The following CSRNP3 variants were observed in gnomAD, a reference collection of about 807,000 sequenced individuals.
CSRNP3 encodes the protein cysteine and serine rich nuclear protein 3, also known as cysteine/serine-rich nuclear protein 3.
In CSRNP3, 12 loss-of-function variants were observed where a neutral mutation model predicts 48.0. The observed-to-expected ratio is 0.25, with a 90% CI of 0.16 to 0.41. CSRNP3 has a LOEUF of 0.41. Among genes scored for constraint, CSRNP3 ranks in the 10% least tolerant of loss-of-function variants. The pLI, the probability that CSRNP3 is intolerant of heterozygous loss-of-function variation, is 1.00. For synonymous variants in CSRNP3, 263 were observed against 269.7 expected, an observed-to-expected ratio of 0.98 and a Z score of 0.24; for missense variants, 580 against 724.4, an observed-to-expected ratio of 0.80 and a Z score of 2.29.
At chr2:165,599,279 G>A (rs796368824) in intron 4 of CSRNP3, among the ~76,000 whole-genome samples, 2 of 73,126 alleles carry the variant, frequency 2.7e-5, no homozygotes, top group African/African-American at 1.8e-4. Flanking sequence ...AAGAAAGAGA[G>A]AGAGAGAAAG....
chr2:165,529,984 T>A (rs1345963212), intron 3 of CSRNP3, among the ~76,000 whole-genome samples: 1 of 152,208 alleles, frequency 6.6e-6, no homozygotes, highest in Non-Finnish European at 1.5e-5. Flanking sequence ...CTAAGAGAAC[T>A]TTCATGATTG....
At chr2:165,539,663 C>A (rs929859710) in intron 3 of CSRNP3, among the ~76,000 whole-genome samples, 4 of 151,970 alleles carry the variant, frequency 2.6e-5, no homozygotes, top group African/African-American at 4.8e-5. Context: ...TCTCTTTCTG[C>A]GACCTTTTTA....
At chr2:165,643,365 T>C (rs1686757383) in intron 4 of CSRNP3, among the ~76,000 whole-genome samples, 1 of 152,178 alleles carries the variant, frequency 6.6e-6, no homozygotes, top group Non-Finnish European at 1.5e-5. Context: ...CAAAGAACAG[T>C]CTTGCTTACT....
At chr2:165,563,779 T>A (rs915860299) in intron 3 of CSRNP3, among the ~76,000 whole-genome samples, 4 of 152,144 alleles carry the variant, frequency 2.6e-5, no homozygotes, top group African/African-American at 9.7e-5. Context: ...CCACAGGCCT[T>A]CTCTGATGTT....
In CSRNP3 at chr2:165,679,752, A is replaced by G; in HGVS notation, c.1757A>G (p.Ter586TrpextTer1). 6.2e-7 allele frequency: 1 copy of G among 1,609,994 alleles called. No homozygotes were observed. ...KSPVVETVPV[*>W] ...CCCGTGGTTGAGACAGTCCCTGTTT[A>G]GTAGCTTAAATTATTCTAGGACCAA... Residue 586 changes from the stop codon to tryptophan (W), a stop_lost, in exon 7 of 7, where the codon TAG becomes TGG. Coordinates refer to ENST00000651982, the MANE Select transcript of CSRNP3 (RefSeq NM_001172173.2).
chr2:165,655,183 G>C (rs961097447), intron 4 of CSRNP3, among the ~76,000 whole-genome samples: 1 of 152,056 alleles, frequency 6.6e-6, no homozygotes, highest in African/African-American at 2.4e-5. Context: ...AATCAAAATC[G>C]TCTTGAAACC....
chr2:165,667,083 GAA>G lies in CSRNP3; in HGVS notation c.408+9065_408+9066del, dbSNP rs1553484557. Among the ~76,000 whole-genome samples the G allele has an allele frequency of 6.2e-4, 38 of 61,584 alleles. 1 individual carries two copies. In the South Asian group the frequency reaches 0.013, roughly 21 times the overall value. 40.4% of individuals were successfully genotyped at this position (61,584 alleles called of 152,430 possible). A position where few individuals can be genotyped will look rare whatever the true frequency, so the allele number is the denominator to read the frequency against. On this transcript the variant is annotated intron_variant, in intron 5 of 6. Coordinates refer to ENST00000651982, the MANE Select transcript of CSRNP3 (RefSeq NM_001172173.2). ...GGAAGGAAGGAAAGAGAGAGAGAAA[GAA>G]AGAGAGAGAGAGAAAAGGAAGGAAG...
intron 3 of CSRNP3, among the ~76,000 whole-genome samples, chr2:165,561,221 A>G (rs1401274859): frequency 6.6e-6 from 1 of 152,156 alleles, no homozygotes; most frequent in Non-Finnish European, 1.5e-5. Flanking sequence ...TATGCCTTAC[A>G]TTTGCCGTCA....
intron 4 of CSRNP3, 53 bp from the exon 5 acceptor site, chr2:165,657,708 T>C: frequency 6.3e-7 from 1 of 1,592,832 alleles, no homozygotes; most frequent in Non-Finnish European, 8.6e-7. Flanking sequence ...TTCTTGGCCT[T>C]GTCTGAAAAC....
At chr2:165,479,994 G>A (rs1442399544) in intron 1 of CSRNP3, among the ~76,000 whole-genome samples, 1 of 152,132 alleles carries the variant, frequency 6.6e-6, no homozygotes, top group African/African-American at 2.4e-5. Context: ...TCACTCTGGG[G>A]GAAAATCTAC....
At chr2:165,583,411 T>C (rs1429537216) in intron 3 of CSRNP3, among the ~76,000 whole-genome samples, 1 of 152,192 alleles carries the variant, frequency 6.6e-6, no homozygotes, top group Non-Finnish European at 1.5e-5. Flanking sequence ...TGCACTTTTT[T>C]AAAAGTTAAA....
At chr2:165,536,339 A>T (rs866606672) in intron 3 of CSRNP3, among the ~76,000 whole-genome samples, 1 of 151,934 alleles carries the variant, frequency 6.6e-6, no homozygotes, top group African/African-American at 2.4e-5. Context: ...AGTTTCTTCC[A>T]AGTGCATCTG....
At chr2:165,625,377 A>C (rs1686412341) in intron 4 of CSRNP3, among the ~76,000 whole-genome samples, 2 of 152,000 alleles carry the variant, frequency 1.3e-5, no homozygotes, top group African/African-American at 4.8e-5. Flanking sequence ...CTGTAATCCC[A>C]GCACTTTGGG....
chr2:165,651,551 G>A (rs182008695), intron 4 of CSRNP3, among the ~76,000 whole-genome samples: 4 of 150,806 alleles, frequency 2.7e-5, no homozygotes, highest in East Asian at 1.9e-4. Flanking sequence ...TCACGAGTTC[G>A]TTCTTTATAT....
At chr2:165,483,493 C>T (rs1461150515) in intron 1 of CSRNP3, among the ~76,000 whole-genome samples, 2 of 152,116 alleles carry the variant, frequency 1.3e-5, no homozygotes, top group African/African-American at 4.8e-5. Context: ...TGCTAATAAT[C>T]TCCTTATATT....
At chr2:165,606,491 C>G (rs931175734) in intron 4 of CSRNP3, among the ~76,000 whole-genome samples, 11 of 151,534 alleles carry the variant, frequency 7.3e-5, no homozygotes, top group African/African-American at 2.7e-4. Flanking sequence ...TGAAAGAAGA[C>G]ATCATTTCAC....
chr2:165,608,934 CAAAAAAAAA>C (rs33952227), intron 4 of CSRNP3, among the ~76,000 whole-genome samples: 16 of 75,590 alleles, frequency 2.1e-4, no homozygotes, highest in Admixed American at 1.4e-3. Context: ...ACTAAAAATA[CAAAAAAAAA>C]AAAAAAAAAA....
chr2:165,668,401 C>CTTTTTTTTTTTTTTTTTTT (rs71393687), intron 5 of CSRNP3, among the ~76,000 whole-genome samples: 3 of 111,498 alleles, frequency 2.7e-5, no homozygotes, highest in African/African-American at 1.0e-4. Flanking sequence ...TTCTTTCTTT[C>CTTTTTTTTTTTTTTTTTTT]TTTTTTTTTT....
chr2:165,669,740 A>G (rs12692774), intron 5 of CSRNP3, among the ~76,000 whole-genome samples: 36,601 of 152,092 alleles, frequency 0.24, 5,274 homozygotes, highest in Non-Finnish European at 0.32. Context: ...AAGTTTACAC[A>G]GTGGCTTAAG....
Sources: allele counts gnomAD v4.1 joint callset (sites outside exome capture counted in the v4.1 genomes callset), GRCh38; gene constraint gnomAD v4.1.1; transcripts MANE v1.5; gene names NCBI Gene and HGNC (gene_info 2026-07-23, HGNC 2026-07-21).